Variants in HIVEP1 observed in about 807,000 individuals in gnomAD.
The protein encoded by HIVEP1 is HIVEP zinc finger 1.
In HIVEP1, 36 loss-of-function variants were observed where a neutral mutation model predicts 180.0. The observed-to-expected ratio is 0.20, with a 90% confidence interval of 0.15 to 0.26. The LOEUF is 0.26. HIVEP1 is among the 10% of genes least tolerant of loss of function. HIVEP1 has a pLI of 1.00. For synonymous variants in HIVEP1, 1,239 were observed against 1,239.0 expected (o/e 1.00, Z 0.00); for missense variants, 3,143 against 3,268.7 (o/e 0.96, Z 0.94).
At chr6:12,154,539 T>G (rs751747973) in intron 7 of HIVEP1, among the ~76,000 whole-genome samples, 1 of 152,204 alleles carries the variant, frequency 6.6e-6, no homozygotes, top group South Asian at 2.1e-4. Context: ...ACAATAGAAT[T>G]TACTTTATGG....
At chr6:12,168,021 T>C (rs1760778465), downstream of HIVEP1, among the ~76,000 whole-genome samples, 1 of 80,814 alleles carries the variant, frequency 1.2e-5, no homozygotes, top group African/African-American at 6.5e-5. Context: ...TGTACATGTA[T>C]ATATGTATAT....
chr6:12,140,522 G>A (rs1197351702), intron 7 of HIVEP1, among the ~76,000 whole-genome samples: 2 of 152,230 alleles, frequency 1.3e-5, no homozygotes, highest in Non-Finnish European at 2.9e-5. Context: ...GAATGACTTT[G>A]ATGAGCTGAC....
chr6:12,136,099 T>A (rs974651288), intron 7 of HIVEP1, among the ~76,000 whole-genome samples: 22 of 152,208 alleles, frequency 1.4e-4, no homozygotes, highest in African/African-American at 5.1e-4. Flanking sequence ...TGTTCATCTT[T>A]CTGAAGCATG....
At chr6:12,170,504 G>A in the HIVEP1 span, among the ~76,000 whole-genome samples, 1 of 152,194 alleles carries the variant, frequency 6.6e-6, no homozygotes. Flanking sequence ...TGGAGAGGCT[G>A]CAACTCACAG....
Position 12,125,883 on chromosome 6 carries a change from T to A in HIVEP1, c.6075+13T>A. ...CAGCTTAAGCAAGGTACTTGAAATA[T>A]AATTTATCTTCAGATATGGTTTGCG... On this transcript the variant is annotated intron_variant, in intron 4 of 8. Coordinates refer to ENST00000379388, the MANE Select transcript of HIVEP1 (RefSeq NM_002114.4). The A allele has an allele frequency of 6.6e-7, 1 of 1,507,580 alleles. No individual in the cohort carries two copies. Among genetic ancestry groups the A allele is most frequent in the Non-Finnish European group, 9.0e-7 (1 of 1,106,054 alleles). 93.4% of individuals were successfully genotyped at this position (1,507,580 alleles called of 1,614,324 possible).
intron 4 of HIVEP1, among the ~76,000 whole-genome samples, chr6:12,129,009 A>G (rs7383768): frequency 0.26 from 39,524 of 151,858 alleles, 6,203 homozygotes; most frequent in Non-Finnish European, 0.35. Flanking sequence ...TCAGGAGTAT[A>G]AGACTGGTCG....
In HIVEP1 at chr6:12,124,515, T is replaced by C; in HGVS notation, c.4720T>C (p.Ser1574Pro). Residue 1574 changes from serine to proline, a missense_variant, in exon 4 of 9, where the codon TCT becomes CCT. By Grantham distance (74) the Ser-to-Pro change is moderately conservative (BLOSUM62 -1). Around this residue, in one of 12 missense-constraint regions of HIVEP1, gnomAD observed 1,357 missense variants for 1,260.5 expected, o/e 1.08. Coordinates refer to ENST00000379388, the MANE Select transcript of HIVEP1 (RefSeq NM_002114.4). ...GGTTTTCACTTCAGGCCCATCTTGC[T>C]CTTCTAATCCTGTGCATTCTTTGCC... ...CQVFTSGPSC[S>P]SNPVHSLPNQ... is the part of the protein sequence containing the mutation. The C allele has an allele frequency of 6.2e-7, 1 of 1,614,196 alleles. No individual in the cohort carries two copies. The highest frequency in any genetic ancestry group is 2.2e-5 in the East Asian group (1 of 44,888).
the HIVEP1 span, among the ~76,000 whole-genome samples, chr6:12,172,941 A>T: frequency 6.6e-6 from 1 of 152,186 alleles, no homozygotes; most frequent in African/African-American, 2.4e-5. Flanking sequence ...GTCCAGTGCC[A>T]TGCATATTTG....
intron 2 of HIVEP1, among the ~76,000 whole-genome samples, chr6:12,016,072 C>T (rs1767723038): frequency 6.6e-6 from 1 of 151,776 alleles, no homozygotes; most frequent in South Asian, 2.1e-4. Context: ...TATTTTTGTA[C>T]CACTCCATCA....
chr6:12,073,422 C>G (rs1772118455), intron 2 of HIVEP1, among the ~76,000 whole-genome samples: 1 of 152,200 alleles, frequency 6.6e-6, no homozygotes, highest in Non-Finnish European at 1.5e-5. Context: ...GAGTCTCCCT[C>G]TTTTCTGGGA....
rs34074662 is a variant in HIVEP1 at position 12,115,350 on chromosome 6, C to CTTTTTTTT, written c.95-4520_95-4513dup. 4.2e-3 allele frequency among the ~76,000 whole-genome samples: 318 copies of CTTTTTTTT among 75,286 alleles called. 24 individuals are homozygous for CTTTTTTTT. The highest frequency in any genetic ancestry group is 0.01 in the African/African-American group (189 of 18,516). The allele number at this position is 75,286 out of a possible 152,430, so 49.4% of individuals were successfully genotyped here. On this transcript the variant is annotated intron_variant, in intron 3 of 8. Transcript: ENST00000379388. ...CTTAACTTATACTTCCCCAACTATT[C>CTTTTTTTT]TTTTTTTTTTTTTTTTTTTTTTTTT...
At chr6:12,025,308 A>AC (rs987753253) in intron 2 of HIVEP1, among the ~76,000 whole-genome samples, 1 of 150,570 alleles carries the variant, frequency 6.6e-6, no homozygotes, top group African/African-American at 2.4e-5. Flanking sequence ...AATTTGAAGG[A>AC]TTTTTTTTTT....
intron 3 of HIVEP1, among the ~76,000 whole-genome samples, chr6:12,108,579 G>A (rs1445790995): frequency 6.6e-6 from 1 of 152,210 alleles, no homozygotes; most frequent in African/African-American, 2.4e-5. Context: ...CGCAGCGCTG[G>A]TGGGCTGGCA....
At chr6:12,092,863 G>T (rs1158991505) in intron 3 of HIVEP1, among the ~76,000 whole-genome samples, 1 of 152,152 alleles carries the variant, frequency 6.6e-6, no homozygotes, top group African/African-American at 2.4e-5. Context: ...GGTTCAGAGA[G>T]CTCTGCCGAG....
chr6:12,167,002 G>C (rs572977512), downstream of HIVEP1, among the ~76,000 whole-genome samples: 1 of 152,090 alleles, frequency 6.6e-6, no homozygotes, highest in African/African-American at 2.4e-5. Flanking sequence ...AACATAAATC[G>C]AGGGCGTTCC....
At chr6:12,204,407 C>T in the HIVEP1 span, among the ~76,000 whole-genome samples, 6 of 121,710 alleles carry the variant, frequency 4.9e-5, no homozygotes, top group African/African-American at 2.1e-4. Context: ...TCCCCCGCTT[C>T]CCTCAACCCT....
At chr6:12,155,592 T>G (rs1759989903) in intron 7 of HIVEP1, among the ~76,000 whole-genome samples, 1 of 152,248 alleles carries the variant, frequency 6.6e-6, no homozygotes, top group South Asian at 2.1e-4. Flanking sequence ...CATGATCTCA[T>G]TCTTTTTGAT....
chr6:12,192,910 C>A, the HIVEP1 span, among the ~76,000 whole-genome samples: 1 of 151,814 alleles, frequency 6.6e-6, no homozygotes, highest in African/African-American at 2.4e-5. Flanking sequence ...GTTAGTCCCA[C>A]ACAGTCATGT....
intron 2 of HIVEP1, among the ~76,000 whole-genome samples, chr6:12,055,329 T>C (rs926579953): frequency 2.6e-5 from 4 of 151,984 alleles, no homozygotes; most frequent in Non-Finnish European, 5.9e-5. Context: ...AAAAATTAGC[T>C]GGGCATGGTG....
Sources: gnomAD v4.1 joint callset for allele counts (sites outside exome capture counted in the v4.1 genomes callset) on GRCh38, gnomAD v4.1.1 for gene constraint, gnomAD v4.1.1 regional missense constraint, MANE v1.5 for transcripts, NCBI Gene and HGNC (gene_info 2026-07-23, HGNC 2026-07-21) for gene names.